Variants in DAB1 observed in about 807,000 individuals in gnomAD.
DAB1 encodes the protein DAB adaptor protein 1, also known as disabled homolog 1.
DAB1 carries 15 observed loss-of-function variants against 64.6 expected under a neutral mutation model. That is an observed-to-expected ratio of 0.23 (90% CI 0.16 to 0.36). DAB1 has a LOEUF of 0.36. Ranked by LOEUF, DAB1 falls within the 10% of genes least tolerant of loss-of-function variation. DAB1 has a pLI of 1.00. For missense variants in DAB1, 596 were observed against 706.7 expected (o/e 0.84, Z 1.78); for synonymous variants, 235 against 251.9 (o/e 0.93, Z 0.64).
At chr1:57,663,168 T>C (rs1350000089) in intron 6 of DAB1, among the ~76,000 whole-genome samples, 2 of 152,106 alleles carry the variant, frequency 1.3e-5, no homozygotes, top group Admixed American at 6.6e-5. Flanking sequence ...GCCATTCTTA[T>C]ATGGCCAGAG....
chr1:58,155,240 T>A (rs1475117393), intron 4 of DAB1, among the ~76,000 whole-genome samples: 1 of 152,198 alleles, frequency 6.6e-6, no homozygotes, highest in Non-Finnish European at 1.5e-5. Context: ...AAGAAGTATG[T>A]CTATACCTAG....
At chr1:57,292,425 A>G (rs1672849637) in intron 1 of DAB1, among the ~76,000 whole-genome samples, 1 of 152,180 alleles carries the variant, frequency 6.6e-6, no homozygotes, top group African/African-American at 2.4e-5. Flanking sequence ...TAAGGCTACA[A>G]CTAAGAAAAA....
chr1:57,288,868 A>G (rs945268425), intron 2 of DAB1, among the ~76,000 whole-genome samples: 2 of 152,212 alleles, frequency 1.3e-5, no homozygotes, highest in South Asian at 2.1e-4. Context: ...ATGCCAAGTA[A>G]TAAGTATTTT....
chr1:57,727,141 T>C (rs550634240), intron 6 of DAB1, among the ~76,000 whole-genome samples: 29 of 152,134 alleles, frequency 1.9e-4, no homozygotes, highest in Non-Finnish European at 4.1e-4. Flanking sequence ...CAATTCAACT[T>C]TGAAATCCAG....
At chr1:58,159,675 C>A (rs904411308) in intron 4 of DAB1, among the ~76,000 whole-genome samples, 2 of 152,160 alleles carry the variant, frequency 1.3e-5, no homozygotes, top group Non-Finnish European at 2.9e-5. Context: ...TGGGTTGCAC[C>A]CAAGGTACGT....
intron 2 of DAB1, among the ~76,000 whole-genome samples, chr1:57,223,191 T>C (rs942322402): frequency 2.6e-5 from 4 of 152,200 alleles, no homozygotes; most frequent in Non-Finnish European, 1.5e-5. Flanking sequence ...AGATGTATGA[T>C]CAATGTGGTC....
upstream of DAB1, among the ~76,000 whole-genome samples, chr1:57,884,488 A>T (rs1644193417): frequency 2.6e-5 from 4 of 152,348 alleles, no homozygotes; most frequent in Non-Finnish European, 5.9e-5. Context: ...CTAAAATTCA[A>T]AAGGTACAAA....
intron 9 of DAB1, among the ~76,000 whole-genome samples, chr1:57,029,744 G>A (rs1199175724): frequency 1.3e-5 from 2 of 152,176 alleles, no homozygotes; most frequent in Non-Finnish European, 2.9e-5. Flanking sequence ...CATGGGCCCT[G>A]TAACCCTTTT....
chr1:57,682,666 A>C (rs1570733649), intron 6 of DAB1, among the ~76,000 whole-genome samples: 1 of 152,026 alleles, frequency 6.6e-6, no homozygotes, highest in South Asian at 2.1e-4. Flanking sequence ...GGGCATGTGA[A>C]CTGGCAAGGG....
At chr1:57,733,141 T>G (rs1283880697) in intron 6 of DAB1, among the ~76,000 whole-genome samples, 1 of 152,090 alleles carries the variant, frequency 6.6e-6, no homozygotes, top group Non-Finnish European at 1.5e-5. Flanking sequence ...AATCAACCAC[T>G]GAACTCAAAT....
At chr1:58,458,365 G>T (rs1425283171) in intron 3 of DAB1, among the ~76,000 whole-genome samples, 2 of 152,296 alleles carry the variant, frequency 1.3e-5, no homozygotes, top group East Asian at 3.9e-4. Flanking sequence ...GATAGGTGTT[G>T]TTTCCCCATT....
At chr1:58,192,515 T>C (rs1172176257) in intron 4 of DAB1, among the ~76,000 whole-genome samples, 1 of 152,206 alleles carries the variant, frequency 6.6e-6, no homozygotes, top group Non-Finnish European at 1.5e-5. Flanking sequence ...AGACATGTAG[T>C]ATTTGATTTT....
At chr1:58,427,998 G>A (rs1644837501) in intron 3 of DAB1, among the ~76,000 whole-genome samples, 1 of 152,082 alleles carries the variant, frequency 6.6e-6, no homozygotes, top group Admixed American at 6.5e-5. Flanking sequence ...TCCCTTTGAG[G>A]ATGCTAAAGA....
intron 7 of DAB1, among the ~76,000 whole-genome samples, chr1:57,521,448 T>A (rs1246940585): frequency 1.3e-5 from 2 of 152,104 alleles, no homozygotes; most frequent in Non-Finnish European, 2.9e-5. Flanking sequence ...GACAAGTTTT[T>A]TTTTTGTTTG....
chr1:58,453,389 A>G (rs1023793541), intron 3 of DAB1, among the ~76,000 whole-genome samples: 20 of 152,134 alleles, frequency 1.3e-4, no homozygotes, highest in African/African-American at 4.6e-4. Context: ...TATAATTGAG[A>G]ACAGCAATAA....
chr1:57,991,109 C>T (rs1325116008), intron 5 of DAB1, among the ~76,000 whole-genome samples: 1 of 152,172 alleles, frequency 6.6e-6, no homozygotes, highest in Non-Finnish European at 1.5e-5. Context: ...CTAAATTTCT[C>T]CTGCCTACCA....
chr1:57,719,504 T>C (rs994264669), intron 6 of DAB1, among the ~76,000 whole-genome samples: 8 of 152,214 alleles, frequency 5.3e-5, no homozygotes, highest in Non-Finnish European at 1.2e-4. Context: ...CATCCCCATA[T>C]GTTGAGGGAG....
chr1:57,654,979 G>T (rs1021006940), intron 6 of DAB1, among the ~76,000 whole-genome samples: 1 of 152,042 alleles, frequency 6.6e-6, no homozygotes, highest in African/African-American at 2.4e-5. Context: ...GCTATGCTTT[G>T]TCCTGGTACC....
At chr1:57,188,807 C>T (rs573430230) in intron 2 of DAB1, among the ~76,000 whole-genome samples, 13 of 152,208 alleles carry the variant, frequency 8.5e-5, no homozygotes, top group Non-Finnish European at 1.6e-4. Context: ...ACTCACTATA[C>T]TACTTCAATA....
Sources: gnomAD v4.1 joint callset for allele counts (sites outside exome capture counted in the v4.1 genomes callset) on GRCh38, gnomAD v4.1.1 for gene constraint, MANE v1.5 for transcripts, NCBI Gene and HGNC (gene_info 2026-07-23, HGNC 2026-07-21) for gene names.